Variants in SKAP1 observed in about 807,000 individuals in gnomAD.
The protein encoded by SKAP1 is src kinase-associated phosphoprotein 1.
Under a neutral mutation model 58.5 loss-of-function variants are expected in SKAP1, and 44 were observed. The ratio of observed to expected loss-of-function variants is 0.75; its 90% CI spans 0.59 to 0.97. SKAP1 has a LOEUF of 0.97. Ranked by LOEUF, SKAP1 falls within the 50% of genes least tolerant of loss-of-function variation. SKAP1 has a pLI of 0.00. For missense variants in SKAP1, 390 were observed against 435.2 expected (o/e 0.90, Z 0.92); for synonymous variants, 127 against 149.7 (o/e 0.85, Z 1.11).
chr17:48,298,422 G>C (rs1388292086), intron 4 of SKAP1, among the ~76,000 whole-genome samples: 1 of 152,120 alleles, frequency 6.6e-6, no homozygotes, highest in Non-Finnish European at 1.5e-5. Flanking sequence ...GTAGATGATT[G>C]AATTCACTTT....
At chr17:48,206,061 G>A (rs1488389518) in intron 4 of SKAP1, among the ~76,000 whole-genome samples, 2 of 152,186 alleles carry the variant, frequency 1.3e-5, no homozygotes, top group African/African-American at 4.8e-5. Flanking sequence ...TGGGGAGGAG[G>A]ATGGAGATCT....
intron 11 of SKAP1, among the ~76,000 whole-genome samples, chr17:48,138,708 G>A (rs1023359435): frequency 2.6e-5 from 4 of 151,714 alleles, no homozygotes; most frequent in African/African-American, 9.7e-5. Context: ...TAGAGATGGG[G>A]TTTCATCATG....
Position 48,266,604 on chromosome 17 carries a change from A to G in SKAP1, c.281-77104T>C, listed in dbSNP as rs192553807. Among the ~76,000 whole-genome samples the G allele has an allele frequency of 5.1e-4, 75 of 146,278 alleles. 1 individual carries two copies. The highest frequency in any genetic ancestry group is 1.4e-3 in the Admixed American group (20 of 14,318). On this transcript the variant is annotated intron_variant, in intron 4 of 12. Coordinates refer to ENST00000336915, the MANE Select transcript of SKAP1 (RefSeq NM_003726.4). Reference sequence around the variant, plus strand: ...TGACTCACTGTAAGCTCCGCCTCCCAGGTTCACGCCATTCTCCTGCCTCAG... The same window carrying G: ...TGACTCACTGTAAGCTCCGCCTCCCGGGTTCACGCCATTCTCCTGCCTCAG...
At position 48,392,877 on chromosome 17, in the gene SKAP1, A is replaced by ATT. The variant is rs67940436; in HGVS notation, c.152+3801_152+3802dup. 2.0e-3 allele frequency among the ~76,000 whole-genome samples: 254 copies of ATT among 127,418 alleles called. 1 individual carries two copies. Among genetic ancestry groups the ATT allele is most frequent in the Middle Eastern group, 8.3e-3 (2 of 240 alleles). The allele number at this position is 127,418 out of a possible 152,430, so 83.6% of individuals were successfully genotyped here. On this transcript the variant is annotated intron_variant, in intron 2 of 12. Transcript: ENST00000336915. ...TCTCAAAAAAAATATATATATATAT[A>ATT]TTTTTTTTTTCTTTACCCCTCCCCC...
chr17:48,439,292 G>A, the SKAP1 span, among the ~76,000 whole-genome samples: 1 of 152,160 alleles, frequency 6.6e-6, no homozygotes, highest in Non-Finnish European at 1.5e-5. Context: ...TCCAATCAAA[G>A]CCTGTTGCAT....
At chr17:48,293,189 C>T (rs746883104) in intron 4 of SKAP1, among the ~76,000 whole-genome samples, 4 of 152,096 alleles carry the variant, frequency 2.6e-5, no homozygotes, top group Non-Finnish European at 5.9e-5. Context: ...CATAAATTAA[C>T]TTCTTTATGT....
chr17:48,273,614 C>T (rs936212751), intron 4 of SKAP1, among the ~76,000 whole-genome samples: 22 of 152,034 alleles, frequency 1.4e-4, no homozygotes, highest in Admixed American at 1.3e-4. Flanking sequence ...GGCGGGGTCT[C>T]ACCACGTTGA....
At chr17:48,395,264 A>T (rs986075986) in intron 2 of SKAP1, among the ~76,000 whole-genome samples, 1 of 152,176 alleles carries the variant, frequency 6.6e-6, no homozygotes, top group African/African-American at 2.4e-5. Context: ...TAAGATTGAA[A>T]TTTAGTCCTT....
chr17:48,360,752 T>C (rs1018716676), intron 3 of SKAP1, among the ~76,000 whole-genome samples: 1 of 152,162 alleles, frequency 6.6e-6, no homozygotes, highest in African/African-American at 2.4e-5. Context: ...AAAATAAATA[T>C]CATTCAGGAA....
the SKAP1 span, among the ~76,000 whole-genome samples, chr17:48,444,856 G>A: frequency 6.6e-6 from 1 of 152,136 alleles, no homozygotes; most frequent in South Asian, 2.1e-4. Context: ...ATGACTCCTG[G>A]GACCCATAAT....
At chr17:48,159,219 G>A (rs10853098) in intron 11 of SKAP1, among the ~76,000 whole-genome samples, 85,000 of 152,100 alleles carry the variant, frequency 0.56, 24,743 homozygotes, top group East Asian at 0.77. Context: ...AAGTAATTAA[G>A]GCTAAAACAC....
chr17:48,141,751 ACCT>A (rs2063770143), intron 11 of SKAP1, among the ~76,000 whole-genome samples: 1 of 151,976 alleles, frequency 6.6e-6, no homozygotes, highest in South Asian at 2.1e-4. Context: ...ATTGTTACTC[ACCT>A]CCTAGATTTA....
chr17:48,392,860 A>T (rs2067366150), intron 2 of SKAP1, among the ~76,000 whole-genome samples: 2 of 133,984 alleles, frequency 1.5e-5, no homozygotes, highest in African/African-American at 2.9e-5. Flanking sequence ...GGTCTCAAAA[A>T]AAATATATAT....
chr17:48,325,573 A>T (rs1334043594), intron 4 of SKAP1, among the ~76,000 whole-genome samples: 1 of 152,124 alleles, frequency 6.6e-6, no homozygotes, highest in Non-Finnish European at 1.5e-5. Context: ...TAGTGTCAGA[A>T]CTCCCTGTTT....
chr17:48,156,457 G>A (rs1273851060), intron 11 of SKAP1: 1 of 530,168 alleles, frequency 1.9e-6, no homozygotes, highest in Non-Finnish European at 3.9e-6. Context: ...TGGAGCCACT[G>A]AAGAGCGCTA....
intron 4 of SKAP1, among the ~76,000 whole-genome samples, chr17:48,338,874 C>A (rs1485756974): frequency 6.6e-6 from 1 of 152,144 alleles, no homozygotes; most frequent in East Asian, 1.9e-4. Context: ...TTATACCAGA[C>A]TATATAAACG....
chr17:48,266,294 A>G (rs2143956201), intron 4 of SKAP1, among the ~76,000 whole-genome samples: 1 of 152,312 alleles, frequency 6.6e-6, no homozygotes, highest in East Asian at 1.9e-4. Flanking sequence ...GTTCAAAGGT[A>G]GAGAGCATTT....
At chr17:48,336,221 A>G (rs985807284) in intron 4 of SKAP1, among the ~76,000 whole-genome samples, 1 of 152,158 alleles carries the variant, frequency 6.6e-6, no homozygotes, top group Admixed American at 6.5e-5. Flanking sequence ...CAAAGCAAGC[A>G]CTACACTGGT....
intron 11 of SKAP1, among the ~76,000 whole-genome samples, chr17:48,161,973 T>C (rs1360114339): frequency 6.6e-6 from 1 of 152,058 alleles, no homozygotes; most frequent in Admixed American, 6.5e-5. Context: ...ATTTATTTAT[T>C]TATTTATTTT....
Sources: gnomAD v4.1 joint callset for allele counts (sites outside exome capture counted in the v4.1 genomes callset) on GRCh38, gnomAD v4.1.1 for gene constraint, MANE v1.5 for transcripts, NCBI Gene and HGNC (gene_info 2026-07-23, HGNC 2026-07-21) for gene names.